Variants in TNIK observed in about 807,000 individuals in gnomAD.
TNIK encodes TRAF2 and NCK-interacting protein kinase.
A neutral mutation model predicts 191.3 loss-of-function variants in TNIK; 49 were observed. The ratio of observed to expected loss-of-function variants is 0.26; its 90% confidence interval spans 0.20 to 0.32. The LOEUF (loss-of-function observed/expected upper bound fraction) is 0.32. Ranked by LOEUF, TNIK falls within the 10% of genes least tolerant of loss-of-function variation. The probability of loss-of-function intolerance (pLI) is 1.00; values close to 1 mark genes in which losing one functional copy is unlikely to be tolerated. For missense variants in TNIK, 1,155 were observed against 1,702.3 expected (o/e 0.68, Z 5.66); for synonymous variants, 594 against 600.9 (o/e 0.99, Z 0.17).
chr3:171,436,275 G>A (rs7646365), intron 1 of TNIK, among the ~76,000 whole-genome samples: 5,644 of 151,114 alleles, frequency 0.037, 361 homozygotes, highest in African/African-American at 0.13. Context: ...CTAATACCTT[G>A]TAAACCTACA....
At chr3:171,231,879 A>G (rs1743695878) in intron 2 of TNIK, among the ~76,000 whole-genome samples, 1 of 152,176 alleles carries the variant, frequency 6.6e-6, no homozygotes, top group East Asian at 1.9e-4. Flanking sequence ...AACTTAGGAC[A>G]CTTTCTCCTC....
chr3:171,227,943 CT>C (rs1743147721), intron 3 of TNIK, among the ~76,000 whole-genome samples: 2 of 152,106 alleles, frequency 1.3e-5, no homozygotes, highest in African/African-American at 4.8e-5. Flanking sequence ...ATAAAATAGG[CT>C]TTGTGATAAA....
chr3:171,112,099 G>A (rs1314843567), intron 18 of TNIK, among the ~76,000 whole-genome samples: 1 of 152,150 alleles, frequency 6.6e-6, no homozygotes, highest in African/African-American at 2.4e-5. Flanking sequence ...TGAGGTGATG[G>A]ATATATTGAT....
intron 13 of TNIK, 101 bp from the exon 14 acceptor site, chr3:171,139,657 G>A: frequency 8.9e-7 from 1 of 1,117,510 alleles, no homozygotes; most frequent in Non-Finnish European, 1.3e-6. Flanking sequence ...AAGTGTAGAA[G>A]GAAGGAGGGG....
chr3:171,251,073 A>G (rs895421610), intron 2 of TNIK, among the ~76,000 whole-genome samples: 8 of 152,206 alleles, frequency 5.3e-5, no homozygotes, highest in African/African-American at 1.9e-4. Context: ...AACCCAACAA[A>G]AGGTATCATG....
intron 6 of TNIK, 69 bp from the exon 7 acceptor site, chr3:171,188,901 A>C (rs1384094799): frequency 2.6e-6 from 4 of 1,554,708 alleles, no homozygotes; most frequent in Admixed American, 3.6e-5. Flanking sequence ...AATGAATGTG[A>C]ATTATTTTAT....
At chr3:171,284,096 A>G (rs1158423940) in intron 2 of TNIK, among the ~76,000 whole-genome samples, 1 of 152,032 alleles carries the variant, frequency 6.6e-6, no homozygotes, top group South Asian at 2.1e-4. Context: ...CCCAACCGAG[A>G]CCTATGAATC....
At chr3:171,447,144 T>G (rs894460479) in intron 1 of TNIK, among the ~76,000 whole-genome samples, 5 of 152,012 alleles carry the variant, frequency 3.3e-5, no homozygotes, top group African/African-American at 1.2e-4. Flanking sequence ...TGAGCAGAGA[T>G]CGCCCCACTG....
At chr3:171,207,542 G>A (rs1253579844) in intron 4 of TNIK, among the ~76,000 whole-genome samples, 2 of 151,762 alleles carry the variant, frequency 1.3e-5, no homozygotes, top group African/African-American at 2.4e-5. Flanking sequence ...AATACAACTG[G>A]GAGAAAAAAA....
At chr3:171,328,102 A>T (rs1378853975) in intron 2 of TNIK, among the ~76,000 whole-genome samples, 2 of 152,184 alleles carry the variant, frequency 1.3e-5, no homozygotes, top group East Asian at 3.9e-4. Context: ...TGTTGGTATT[A>T]GGAGATGCGG....
chr3:171,423,519 T>C (rs906817496), intron 1 of TNIK, among the ~76,000 whole-genome samples: 1 of 152,176 alleles, frequency 6.6e-6, no homozygotes, highest in Non-Finnish European at 1.5e-5. Context: ...GAGCCCGCAT[T>C]GCCAAGTCAA....
intron 2 of TNIK, among the ~76,000 whole-genome samples, chr3:171,307,411 G>T (rs1000489334): frequency 6.6e-6 from 1 of 152,126 alleles, no homozygotes; most frequent in Non-Finnish European, 1.5e-5. Context: ...CTTACTCTAA[G>T]GGGTCAAGAA....
intron 1 of TNIK, among the ~76,000 whole-genome samples, chr3:171,420,401 C>T (rs1401278972): frequency 6.6e-6 from 1 of 152,156 alleles, no homozygotes; most frequent in Non-Finnish European, 1.5e-5. Flanking sequence ...TCAAGGTAGG[C>T]CCACCTCTCC....
At position 171,245,372 on chromosome 3, in the gene TNIK, T is replaced by TA. The variant is rs552993063; in HGVS notation, c.124-17152dup. On this transcript the variant is annotated intron_variant, in intron 2 of 32. Coordinates refer to ENST00000436636, the MANE Select transcript of TNIK (RefSeq NM_015028.4). ...ATTCATAGCTTCAGGAATGGGCTGATAAAAAAACATGTAATAACATACAAA... is the reference window on the plus strand; with the variant it reads ...ATTCATAGCTTCAGGAATGGGCTGATAAAAAAAACATGTAATAACATACAAA... 2.4e-4 allele frequency among the ~76,000 whole-genome samples: 37 copies of TA among 152,206 alleles called. 1 individual carries two copies. In the East Asian group the frequency reaches 3.1e-3, roughly 13 times the overall value.
chr3:171,101,878 AATAT>A (rs1195526233), intron 21 of TNIK: 3 of 462,776 alleles, frequency 6.5e-6, no homozygotes, highest in Non-Finnish European at 1.1e-5. Context: ...TTCAGTCCTG[AATAT>A]ATATGTGTAC....
chr3:171,189,721 G>T (rs1459482912), intron 6 of TNIK, among the ~76,000 whole-genome samples: 1 of 152,146 alleles, frequency 6.6e-6, no homozygotes, highest in Non-Finnish European at 1.5e-5. Flanking sequence ...AAATTGTCTT[G>T]TACAGGGCCT....
At chr3:171,110,686 G>A (rs144112901) in intron 19 of TNIK, 28 bp downstream of exon 19, 1 of 1,555,274 alleles carries the variant, frequency 6.4e-7, no homozygotes, top group Non-Finnish European at 8.7e-7. Flanking sequence ...AGGCAGTATT[G>A]CCAGGTAAAG....
chr3:171,184,094 C>T (rs1048346446), intron 7 of TNIK, among the ~76,000 whole-genome samples: 16 of 151,836 alleles, frequency 1.1e-4, no homozygotes, highest in Non-Finnish European at 1.8e-4. Flanking sequence ...TTATAACCTC[C>T]GAATAAACAA....
chr3:171,079,432 T>C, intron 28 of TNIK, 86 bp downstream of exon 28: 3 of 1,484,662 alleles, frequency 2.0e-6, no homozygotes, highest in Non-Finnish European at 2.7e-6. Flanking sequence ...ATCATCAATC[T>C]GATAGAAAAA....
Sources: gnomAD v4.1 joint callset for allele counts (sites outside exome capture counted in the v4.1 genomes callset) on GRCh38, gnomAD v4.1.1 for gene constraint, MANE v1.5 for transcripts, NCBI Gene and HGNC (gene_info 2026-07-23, HGNC 2026-07-21) for gene names.